The following CADM2 variants were observed in gnomAD, a reference collection of about 807,000 sequenced individuals.
CADM2 encodes the protein immunoglobulin superfamily member 4D.
A neutral mutation model predicts 49.8 loss-of-function variants in CADM2; 12 were observed. The observed-to-expected ratio is 0.24, with a 90% CI of 0.15 to 0.39. The LOEUF is 0.39. Ranked by LOEUF, CADM2 falls within the 10% of genes least tolerant of loss-of-function variation. The pLI, the probability that CADM2 is intolerant of heterozygous loss-of-function variation, is 1.00. For missense variants in CADM2, 378 were observed against 492.3 expected (o/e 0.77, Z 2.20); for synonymous variants, 214 against 175.4 (o/e 1.22, Z -1.74).
At chr3:85,568,517 TCCCTCCC>T (rs2062379962) in intron 1 of CADM2, among the ~76,000 whole-genome samples, 1 of 128,902 alleles carries the variant, frequency 7.8e-6, no homozygotes, top group African/African-American at 3.6e-5. Flanking sequence ...CTTTCTTTCC[TCCCTCCC>T]TCCCTCTCTC....
At chr3:85,324,420 A>T (rs2044694953) in intron 1 of CADM2, among the ~76,000 whole-genome samples, 1 of 152,142 alleles carries the variant, frequency 6.6e-6, no homozygotes, top group Admixed American at 6.5e-5. Flanking sequence ...TCAATTAAGT[A>T]TACTCCTATT....
rs562009002 is a variant in CADM2, at chr3:86,027,074, A to T, written c.971-38531A>T. Among the ~76,000 whole-genome samples, 92 of 152,308 alleles carry T rather than the reference A, an allele frequency of 6.0e-4. No homozygotes were observed. In the South Asian group the frequency reaches 0.019, roughly 31 times the overall value. On this transcript the variant is annotated intron_variant, in intron 8 of 9. Coordinates refer to ENST00000383699, the MANE Select transcript of CADM2 (RefSeq NM_001167675.2). ...GAATAAAATTATTTTTGCTCTGAAA[A>T]AAGAGAGAATGAATTAACAATTCTA... is the stretch of plus-strand genomic sequence containing the variant.
At chr3:85,165,928 G>T (rs369968216) in intron 1 of CADM2, among the ~76,000 whole-genome samples, 3 of 151,450 alleles carry the variant, frequency 2.0e-5, no homozygotes, top group East Asian at 1.9e-4. Context: ...ATAAAATAAA[G>T]AAAATTAAGT....
At chr3:85,958,324 T>C (rs1343197615) in intron 7 of CADM2, among the ~76,000 whole-genome samples, 2 of 151,944 alleles carry the variant, frequency 1.3e-5, no homozygotes, top group African/African-American at 4.8e-5. Context: ...TGTGGAGAAA[T>C]AGGAACGCTT....
At chr3:85,407,424 C>G (rs1261310542) in intron 1 of CADM2, among the ~76,000 whole-genome samples, 2 of 152,102 alleles carry the variant, frequency 1.3e-5, no homozygotes, top group Non-Finnish European at 2.9e-5. Context: ...TTTCTTTTCT[C>G]TCAGAACTTT....
chr3:85,799,549 T>TTC (rs1220022433), intron 2 of CADM2, among the ~76,000 whole-genome samples: 1 of 152,330 alleles, frequency 6.6e-6, no homozygotes, highest in Admixed American at 6.5e-5. Flanking sequence ...TTGTCATTGG[T>TTC]TCTGTTTATG....
At chr3:85,028,660 C>T (rs2034842832) in intron 1 of CADM2, among the ~76,000 whole-genome samples, 2 of 151,866 alleles carry the variant, frequency 1.3e-5, no homozygotes, top group African/African-American at 2.4e-5. Context: ...ATAGAAATCT[C>T]GTGATATTTG....
chr3:85,185,337 A>T (rs970284507), intron 1 of CADM2, among the ~76,000 whole-genome samples: 1 of 152,134 alleles, frequency 6.6e-6, no homozygotes, highest in East Asian at 1.9e-4. Flanking sequence ...AATGAAAAAA[A>T]AAAATGATGG....
chr3:85,150,631 A>G (rs931391528), intron 1 of CADM2, among the ~76,000 whole-genome samples: 6 of 152,062 alleles, frequency 3.9e-5, no homozygotes, highest in African/African-American at 1.4e-4. Flanking sequence ...GGGGCTGGGC[A>G]TTGTGGCTCA....
chr3:85,276,973 T>C (rs1318419372), intron 1 of CADM2, among the ~76,000 whole-genome samples: 1 of 151,340 alleles, frequency 6.6e-6, no homozygotes, highest in African/African-American at 2.4e-5. Flanking sequence ...TTGAAAAAAA[T>C]TTAATATGGT....
At chr3:85,125,105 G>A (rs562730859) in intron 1 of CADM2, among the ~76,000 whole-genome samples, 6 of 152,248 alleles carry the variant, frequency 3.9e-5, no homozygotes, top group African/African-American at 1.4e-4. Context: ...TAGTCATTGA[G>A]CTTATTAAGA....
intron 8 of CADM2, among the ~76,000 whole-genome samples, chr3:86,000,266 A>G (rs1730009559): frequency 6.6e-6 from 1 of 152,202 alleles, no homozygotes; most frequent in African/African-American, 2.4e-5. Flanking sequence ...GAAAATTAGC[A>G]TGGAGGGTAC....
At chr3:85,973,086 G>A (rs1244830291) in intron 8 of CADM2, among the ~76,000 whole-genome samples, 1 of 151,636 alleles carries the variant, frequency 6.6e-6, no homozygotes, top group Non-Finnish European at 1.5e-5. Context: ...CATGATAAAA[G>A]GGAGAGCAAC....
chr3:85,935,725 G>T (rs752072589), intron 6 of CADM2, 42 bp from the exon 7 acceptor site: 32 of 1,061,364 alleles, frequency 3.0e-5, no homozygotes, highest in Non-Finnish European at 4.4e-5. Context: ...ATCTAGTTTT[G>T]TATGTGTTTA....
At chr3:85,273,550 C>G (rs2043291427) in intron 1 of CADM2, among the ~76,000 whole-genome samples, 1 of 150,926 alleles carries the variant, frequency 6.6e-6, no homozygotes, top group Admixed American at 6.6e-5. Flanking sequence ...TTTATTGAAT[C>G]AAGAATATAA....
chr3:85,890,201 A>T (rs543637256), intron 5 of CADM2, among the ~76,000 whole-genome samples: 1 of 151,992 alleles, frequency 6.6e-6, no homozygotes, highest in Non-Finnish European at 1.5e-5. Flanking sequence ...AAGGAAAAAA[A>T]GGGGTTTAGG....
intron 1 of CADM2, among the ~76,000 whole-genome samples, chr3:85,416,270 C>T (rs1476424447): frequency 2.6e-5 from 4 of 151,894 alleles, no homozygotes; most frequent in Non-Finnish European, 5.9e-5. Flanking sequence ...TTTAAAATAT[C>T]CTAATTACTG....
At chr3:85,347,635 ATATACATATATATATATT>A (rs1332709713) in intron 1 of CADM2, among the ~76,000 whole-genome samples, 1,123 of 49,748 alleles carry the variant, frequency 0.023, 13 homozygotes, top group African/African-American at 0.045. Flanking sequence ...ATATAAATAT[ATATACATATATATATATT>A]TTTTTTAAGA....
intron 3 of CADM2, among the ~76,000 whole-genome samples, chr3:85,806,566 C>T (rs937395923): frequency 2.0e-5 from 3 of 152,024 alleles, no homozygotes; most frequent in Non-Finnish European, 4.4e-5. Context: ...GGCTGAACCC[C>T]CTTTCCTAGG....
Sources: allele counts gnomAD v4.1 joint callset (sites outside exome capture counted in the v4.1 genomes callset), GRCh38; gene constraint gnomAD v4.1.1; transcripts MANE v1.5; gene names NCBI Gene and HGNC (gene_info 2026-07-23, HGNC 2026-07-21).